The following LPA variants were observed in gnomAD, a reference collection of about 807,000 sequenced individuals.
LPA encodes the protein apolipoprotein(a).
Under a neutral mutation model 197.9 loss-of-function variants are expected in LPA, and 199 were observed. That is an observed-to-expected ratio of 1.01 (90% confidence interval 0.90 to 1.13). The LOEUF (loss-of-function observed/expected upper bound fraction) is 1.13, where lower values mean the gene tolerates loss of function less well. LPA is among the 50% of genes most tolerant of loss of function. The pLI is 0.00. For synonymous variants in LPA, 715 were observed against 639.5 expected (o/e 1.12, Z -1.78); for missense variants, 1,853 against 1,785.8 (o/e 1.04, Z -0.68).
chr6:160,651,577 T>C (rs574263404), intron 1 of LPA, among the ~76,000 whole-genome samples: 1 of 152,300 alleles, frequency 6.6e-6, no homozygotes. Flanking sequence ...GCATAAATAA[T>C]ATTTACTGCA....
chr6:160,595,327 G>A (rs368472481), intron 21 of LPA, 27 bp downstream of exon 21: 2 of 1,610,236 alleles, frequency 1.2e-6, no homozygotes, highest in African/African-American at 1.3e-5. Context: ...GTCCTAGGGT[G>A]TGGTTGTCTG....
At chr6:160,532,443 C>G (rs41266373) in intron 38 of LPA, 88 bp downstream of exon 38, 1 of 1,036,868 alleles carries the variant, frequency 9.6e-7, no homozygotes, top group Non-Finnish European at 1.5e-6. Flanking sequence ...ACAAAACCTT[C>G]CTGAATTTGC....
At chr6:160,561,994 T>C (rs887113533) in intron 28 of LPA, among the ~76,000 whole-genome samples, 4 of 152,214 alleles carry the variant, frequency 2.6e-5, no homozygotes, top group Non-Finnish European at 5.9e-5. Flanking sequence ...TTTCTAAATA[T>C]ACAATCATGT....
intron 32 of LPA, 83 bp from the exon 33 acceptor site, chr6:160,545,616 C>G: frequency 1.2e-6 from 1 of 833,710 alleles, no homozygotes; most frequent in African/African-American, 1.7e-5. Context: ...CATTTCACAT[C>G]TATTCTTAGA....
At chr6:160,587,103 C>T (rs975202833) in intron 24 of LPA, among the ~76,000 whole-genome samples, 5 of 152,308 alleles carry the variant, frequency 3.3e-5, no homozygotes, top group African/African-American at 1.2e-4. Context: ...ACATGATCTA[C>T]ATTCATGAAT....
chr6:160,634,859 A>T (rs1197056858), intron 7 of LPA, among the ~76,000 whole-genome samples: 1 of 150,266 alleles, frequency 6.7e-6, no homozygotes, highest in Admixed American at 6.6e-5. Context: ...ACACTGAGAT[A>T]GCCCATTTTA....
At chr6:160,589,777 A>G (rs1245579339) in intron 23 of LPA, 65 bp from the exon 24 acceptor site, 2 of 1,584,230 alleles carry the variant, frequency 1.3e-6, no homozygotes, top group East Asian at 4.5e-5. Context: ...GAGAAAAAAA[A>G]TCCATGATAG....
rs1339845377 is a variant in LPA, at chr6:160,562,055, T to G, written c.4632-4484A>C. Among the ~76,000 whole-genome samples, 6 of 152,298 alleles carry G rather than the reference T, an allele frequency of 3.9e-5. No individual in the cohort carries two copies. The East Asian group carries it at 1.2e-3, about 29-fold the overall frequency. The stretch of plus-strand genomic sequence containing the variant: ...TCCCTCTCTTCCCACTTGAATACCT[T>G]TATTTCTTTCTCTTGCCTGATTGCC... On this transcript the variant is annotated intron_variant, in intron 28 of 38. Coordinates refer to ENST00000316300, the MANE Select transcript of LPA (RefSeq NM_005577.4).
intron 28 of LPA, among the ~76,000 whole-genome samples, chr6:160,562,006 A>T (rs1778370649): frequency 6.6e-6 from 1 of 152,342 alleles, no homozygotes; most frequent in Admixed American, 6.5e-5. Context: ...CAATCATGTC[A>T]TCTGCAAAGA....
intron 7 of LPA, among the ~76,000 whole-genome samples, chr6:160,634,878 T>A (rs1328117567): frequency 6.7e-6 from 1 of 149,892 alleles, no homozygotes; most frequent in Non-Finnish European, 1.5e-5. Context: ...TAGAAGGAGG[T>A]GAGTTGTGAA....
chr6:160,575,177 T>C (rs1284705649), intron 28 of LPA, among the ~76,000 whole-genome samples: 1 of 152,228 alleles, frequency 6.6e-6, no homozygotes, highest in Non-Finnish European at 1.5e-5. Flanking sequence ...ATTAGTTTTC[T>C]TGAATCTGTG....
rs749014239 is a variant in LPA, at chr6:160,599,640, G to A, written c.3147C>T (p.Pro1049=). 6.9e-5 allele frequency: 111 copies of A among 1,613,768 alleles called. No individual in the cohort carries two copies. The highest frequency in any genetic ancestry group is 2.7e-5 in the African/African-American group (2 of 74,892). Residue 1049 remains proline, a synonymous_variant, in exon 20 of 39, where the codon CCC becomes CCT. Transcript: ENST00000316300. ...AATGGTAGTAGCAGTCCTGTACCCC[G>A]GGGGTTTCCTCAGTCAGTGCTGAAA... ...FFEQALTEET[P]GVQDCYYHYG...
chr6:160,555,279 A>ACG (rs1778237121), intron 30 of LPA, among the ~76,000 whole-genome samples: 2 of 123,554 alleles, frequency 1.6e-5, no homozygotes, highest in Admixed American at 8.7e-5. Flanking sequence ...ATTATATTAT[A>ACG]TTATATTATA....
At chr6:160,532,382 G>A in intron 38 of LPA, 149 bp downstream of exon 38, 1 of 735,286 alleles carries the variant, frequency 1.4e-6, no homozygotes, top group East Asian at 2.5e-5. Flanking sequence ...ATGCATTCAG[G>A]GACAGATCTG....
At chr6:160,555,294 AGTGTGTGTGTGT>A (rs10552460) in intron 30 of LPA, among the ~76,000 whole-genome samples, 2 of 133,864 alleles carry the variant, frequency 1.5e-5, no homozygotes. Context: ...ATTATATGTT[AGTGTGTGTGTGT>A]GTGTGTGTGT....
At chr6:160,594,929 C>T (rs1422572889) in intron 21 of LPA, among the ~76,000 whole-genome samples, 1 of 152,134 alleles carries the variant, frequency 6.6e-6, no homozygotes, top group Non-Finnish European at 1.5e-5. Flanking sequence ...TCAAGGATGA[C>T]AGACTCAAAA....
At chr6:160,553,848 T>G (rs1420213465) in intron 30 of LPA, among the ~76,000 whole-genome samples, 1 of 152,196 alleles carries the variant, frequency 6.6e-6, no homozygotes, top group Non-Finnish European at 1.5e-5. Flanking sequence ...ACCCATATAT[T>G]AAATCTTTTG....
chr6:160,538,028 C>T (rs1016033643), intron 36 of LPA, 67 bp from the exon 37 acceptor site: 1 of 1,382,272 alleles, frequency 7.2e-7, no homozygotes, highest in African/African-American at 1.4e-5. Context: ...TACAACCAGG[C>T]ATCCCTGCCT....
At chr6:160,553,948 T>TGC (rs1778209188) in intron 30 of LPA, among the ~76,000 whole-genome samples, 1 of 119,888 alleles carries the variant, frequency 8.3e-6, no homozygotes, top group Non-Finnish European at 1.8e-5. Flanking sequence ...TGTGTGTGTG[T>TGC]GTGTGTGCGC....
Sources: allele counts gnomAD v4.1 joint callset (sites outside exome capture counted in the v4.1 genomes callset), GRCh38; gene constraint gnomAD v4.1.1; transcripts MANE v1.5; gene names NCBI Gene and HGNC (gene_info 2026-07-23, HGNC 2026-07-21).